Variants in GAS7 observed in about 807,000 individuals in gnomAD.
The protein encoded by GAS7 is growth arrest-specific protein 7.
Under a neutral mutation model 71.1 loss-of-function variants are expected in GAS7, and 28 were observed. The ratio of observed to expected loss-of-function variants is 0.39; its 90% confidence interval spans 0.29 to 0.54. The LOEUF is 0.54. GAS7 is among the 20% of genes least tolerant of loss of function. The probability of loss-of-function intolerance (pLI) is 0.62; values close to 1 mark genes in which losing one functional copy is unlikely to be tolerated. For missense variants in GAS7, 436 were observed against 627.8 expected (o/e 0.69, Z 3.27); for synonymous variants, 258 against 245.8 (o/e 1.05, Z -0.46).
At chr17:10,047,954 T>C (rs1198388865) in intron 1 of GAS7, among the ~76,000 whole-genome samples, 7 of 152,192 alleles carry the variant, frequency 4.6e-5, no homozygotes. Flanking sequence ...CCAATTGCAA[T>C]TAAAATTATC....
At chr17:10,135,757 TG>T (rs1157055430) in intron 1 of GAS7, among the ~76,000 whole-genome samples, 1 of 152,132 alleles carries the variant, frequency 6.6e-6, no homozygotes, top group Non-Finnish European at 1.5e-5. Flanking sequence ...ACCTCCGAAC[TG>T]GGGGGAGGGG....
chr17:9,916,861 G>T lies in GAS7; in HGVS notation c.*367C>A. 1 of 446,666 alleles carries T rather than the reference G, an allele frequency of 2.2e-6. No homozygotes were observed. The highest frequency in any genetic ancestry group is 7.3e-5 in the South Asian group (1 of 13,690). The allele number at this position is 446,666 out of a possible 1,614,324, so 27.7% of individuals were successfully genotyped here. A position where few individuals can be genotyped will look rare whatever the true frequency, so the allele number is the denominator to read the frequency against. ...TGATCCTCCAAAGCCCTGGAGACAA[G>T]GGAGCCAGCTGGAGGAAGAGCCTTG... On this transcript the variant is annotated 3_prime_UTR_variant, in exon 14 of 14. Coordinates refer to ENST00000432992, the MANE Select transcript of GAS7 (RefSeq NM_201433.2).
intron 1 of GAS7, among the ~76,000 whole-genome samples, chr17:10,042,745 T>C (rs1347317619): frequency 6.6e-6 from 1 of 151,886 alleles, no homozygotes; most frequent in Non-Finnish European, 1.5e-5. Flanking sequence ...ATAAAGAACT[T>C]GCCTCACAGC....
At chr17:10,003,036 A>G (rs548833374) in intron 2 of GAS7, among the ~76,000 whole-genome samples, 7 of 152,232 alleles carry the variant, frequency 4.6e-5, no homozygotes, top group Middle Eastern at 3.2e-3. Flanking sequence ...TTATTTCCAA[A>G]TAAGATCACA....
rs78284143 is a variant in GAS7, at chr17:9,981,991, C to T, written c.305-107G>A. The T allele has an allele frequency of 5.7e-3, 3,982 of 695,108 alleles. 113 individuals are homozygous for T. In the African/African-American group the frequency reaches 0.062, roughly 11 times the overall value. 43.1% of individuals were successfully genotyped at this position (695,108 alleles called of 1,614,324 possible). A position where few individuals can be genotyped will look rare whatever the true frequency, so the allele number is the denominator to read the frequency against. ...CAGAGCTGGAGAAAAAGAGAGACAG[C>T]CAATCGCCCTCCTCCCCAACCCTGG... On this transcript the variant is annotated intron_variant, in intron 2 of 13. Coordinates refer to ENST00000432992, the MANE Select transcript of GAS7 (RefSeq NM_201433.2). The surrounding 1 kb of genome is among the most constrained non-coding windows in gnomAD (Gnocchi z 4.4).
chr17:9,977,377 C>T (rs566555750), intron 3 of GAS7, among the ~76,000 whole-genome samples: 1 of 152,310 alleles, frequency 6.6e-6, no homozygotes, highest in Admixed American at 6.5e-5. Context: ...TACCCAATGA[C>T]TCATACATGA....
At chr17:10,008,241 T>C (rs986788563) in intron 2 of GAS7, among the ~76,000 whole-genome samples, 3 of 152,212 alleles carry the variant, frequency 2.0e-5, no homozygotes, top group Non-Finnish European at 2.9e-5. Context: ...TTCTTGGGTA[T>C]ACAGCTAGGA....
At chr17:9,937,982 G>A (rs1267267655) in intron 8 of GAS7, among the ~76,000 whole-genome samples, 2 of 152,102 alleles carry the variant, frequency 1.3e-5, no homozygotes, top group Admixed American at 6.6e-5. Flanking sequence ...CATTTAGGAC[G>A]AGACCAAATC....
chr17:10,030,979 T>A (rs939963142), intron 1 of GAS7, among the ~76,000 whole-genome samples: 1 of 152,164 alleles, frequency 6.6e-6, no homozygotes, highest in Non-Finnish European at 1.5e-5. Context: ...ATTAGCTACT[T>A]CCTCCCCAAC....
intron 1 of GAS7, chr17:10,036,749 G>A (rs1022206274): frequency 2.5e-6 from 3 of 1,219,854 alleles, no homozygotes; most frequent in Non-Finnish European, 3.1e-6. Context: ...AATGTTTCTG[G>A]AGGCCTTTCT....
chr17:10,163,060 G>T (rs1008613638), intron 1 of GAS7, among the ~76,000 whole-genome samples: 2 of 152,074 alleles, frequency 1.3e-5, no homozygotes, highest in African/African-American at 4.8e-5. Context: ...AAATATTTTA[G>T]AAACAGGCCA....
intron 1 of GAS7, among the ~76,000 whole-genome samples, chr17:10,141,868 T>A (rs988698944): frequency 6.6e-6 from 1 of 152,184 alleles, no homozygotes; most frequent in African/African-American, 2.4e-5. Context: ...TCAGAATAAC[T>A]CTGTCAAGCT....
At chr17:10,023,339 G>A (rs1000832800) in intron 1 of GAS7, among the ~76,000 whole-genome samples, 1 of 152,120 alleles carries the variant, frequency 6.6e-6, no homozygotes, top group Non-Finnish European at 1.5e-5. Context: ...AGACAACCAG[G>A]TATAGACACA....
intron 1 of GAS7, among the ~76,000 whole-genome samples, chr17:10,151,968 T>C (rs1221084001): frequency 6.6e-6 from 1 of 152,180 alleles, no homozygotes; most frequent in Non-Finnish European, 1.5e-5. Context: ...AGCCAGGACT[T>C]TCAGTTGCCA....
intron 1 of GAS7, among the ~76,000 whole-genome samples, chr17:10,143,523 C>T (rs953449571): frequency 8.3e-5 from 11 of 131,982 alleles, no homozygotes; most frequent in South Asian, 2.5e-4. Context: ...GCCTGGGCAA[C>T]GAGAGAAAAA....
At chr17:10,145,963 G>GT (rs1244809830) in intron 1 of GAS7, among the ~76,000 whole-genome samples, 7 of 152,146 alleles carry the variant, frequency 4.6e-5, no homozygotes, top group African/African-American at 1.7e-4. Context: ...GTTCCAGAGG[G>GT]TGAGGCCCAG....
chr17:10,134,533 T>C (rs1342234346), intron 1 of GAS7, among the ~76,000 whole-genome samples: 2 of 152,214 alleles, frequency 1.3e-5, no homozygotes, highest in Non-Finnish European at 2.9e-5. Flanking sequence ...AACTGATTTA[T>C]ATTCCCCACC....
intron 1 of GAS7, among the ~76,000 whole-genome samples, chr17:10,029,219 T>C (rs936215948): frequency 6.6e-6 from 1 of 152,180 alleles, no homozygotes; most frequent in East Asian, 1.9e-4. Flanking sequence ...CTCCGGTGCA[T>C]GATGGGGAAA....
intron 1 of GAS7, among the ~76,000 whole-genome samples, chr17:10,058,632 C>T (rs2073180878): frequency 6.6e-6 from 1 of 152,224 alleles, no homozygotes. Context: ...GTGCCATCCT[C>T]TCCCAGACTC....
Sources: allele counts gnomAD v4.1 joint callset (sites outside exome capture counted in the v4.1 genomes callset), GRCh38; gene constraint gnomAD v4.1.1; non-coding constraint Gnocchi (gnomAD v3.1); transcripts MANE v1.5; gene names NCBI Gene and HGNC (gene_info 2026-07-23, HGNC 2026-07-21).